Variants in DEPTOR observed in about 807,000 individuals in gnomAD.
DEPTOR encodes DEP domain containing MTOR interacting protein, also known as DEP domain-containing mTOR-interacting protein.
In DEPTOR, 41 loss-of-function variants were observed where a neutral mutation model predicts 41.6. That is an observed-to-expected ratio of 0.98 (90% CI 0.77 to 1.28). DEPTOR has a LOEUF of 1.28. DEPTOR is among the 50% of genes most tolerant of loss of function. DEPTOR has a pLI of 0.00. For synonymous variants in DEPTOR, 195 were observed against 192.3 expected, an observed-to-expected ratio of 1.01 and a Z score of -0.12; for missense variants, 514 against 527.9, an observed-to-expected ratio of 0.97 and a Z score of 0.26.
At position 119,906,147 on chromosome 8, in the gene DEPTOR, A is replaced by G. The variant is rs1252908427; in HGVS notation, c.123-22253A>G. 2.0e-5 allele frequency among the ~76,000 whole-genome samples: 3 copies of G among 152,074 alleles called. No individual in the cohort carries two copies. In the East Asian group the frequency reaches 5.8e-4, roughly 29 times the overall value. ...ATACTAATGCACTCTGTATATCATA[A>G]ATATACACACACACACAAATTTTGC... On this transcript the variant is annotated intron_variant, in intron 1 of 8. Coordinates refer to ENST00000286234, the MANE Select transcript of DEPTOR (RefSeq NM_022783.4).
intron 3 of DEPTOR, among the ~76,000 whole-genome samples, chr8:119,959,158 C>CTTTTTTTTTTTTTTTTTTT (rs60202859): frequency 1.7e-4 from 19 of 114,862 alleles, no homozygotes; most frequent in African/African-American, 3.1e-4. Context: ...TTCTTTCTTT[C>CTTTTTTTTTTTTTTTTTTT]TTTTTTTTTT....
chr8:120,005,275 C>T (rs1001081597), intron 6 of DEPTOR, among the ~76,000 whole-genome samples: 7 of 152,298 alleles, frequency 4.6e-5, no homozygotes, highest in Middle Eastern at 6.8e-3. Context: ...GATTCTGTTT[C>T]CATCTTGATA....
rs1282216202 is a variant in DEPTOR at position 120,050,797 on chromosome 8, C to T, written c.*1093C>T. On this transcript the variant is annotated 3_prime_UTR_variant, in exon 9 of 9. Transcript: ENST00000286234. ...GGGGCTCAGCGTGCAGAGGAAATTCCTCAAAGTGCCAAATTAGGCAGTCAG... is the reference window on the plus strand; with the variant it reads ...GGGGCTCAGCGTGCAGAGGAAATTCTTCAAAGTGCCAAATTAGGCAGTCAG... 4.6e-5 allele frequency: 7 copies of T among 151,998 alleles called. No homozygotes were observed. The highest frequency in any genetic ancestry group is 1.7e-4 in the African/African-American group (7 of 41,404). The allele number at this position is 151,998 out of a possible 1,614,324, so 9.4% of individuals were successfully genotyped here.
chr8:119,946,541 C>T (rs1384048052), intron 3 of DEPTOR, among the ~76,000 whole-genome samples: 1 of 151,434 alleles, frequency 6.6e-6, no homozygotes, highest in African/African-American at 2.4e-5. Context: ...AGGAGTTCAA[C>T]CTGACCAACA....
Position 119,928,564 on chromosome 8 carries a change from G to T in DEPTOR, c.287G>T (p.Gly96Val). The change falls in exon 2 of 9, where the codon GGC becomes GTC. Residue 96 changes from glycine to valine, a missense_variant. By Grantham distance (109) the Gly-to-Val change is moderately radical. Coordinates refer to ENST00000286234, the MANE Select transcript of DEPTOR (RefSeq NM_022783.4). The part of the protein sequence containing the change: ...IKLMQKLADR[G>V]IIHHVCDEHK... ...CTCATGCAGAAATTAGCAGACCGGG[G>T]CATTATTCACCATGGTGAGTGCGGT... 1.2e-6 allele frequency: 2 copies of T among 1,613,972 alleles called. No individual in the cohort carries two copies. The highest frequency in any genetic ancestry group is 1.1e-5 in the South Asian group (1 of 91,070).
chr8:120,038,741 G>C (rs1385675209), intron 8 of DEPTOR, among the ~76,000 whole-genome samples: 1 of 152,198 alleles, frequency 6.6e-6, no homozygotes, highest in African/African-American at 2.4e-5. Context: ...TGCTCAGGGG[G>C]CAGAGTAGCC....
intron 5 of DEPTOR, among the ~76,000 whole-genome samples, chr8:120,002,193 G>A (rs954360719): frequency 6.6e-6 from 1 of 152,150 alleles, no homozygotes; most frequent in African/African-American, 2.4e-5. Flanking sequence ...AGGCTAGAGT[G>A]CAGTGGTGCA....
At chr8:119,954,318 G>C (rs1828391061) in intron 3 of DEPTOR, among the ~76,000 whole-genome samples, 1 of 151,448 alleles carries the variant, frequency 6.6e-6, no homozygotes. Context: ...TAATCTTTTG[G>C]TATTTTTTGT....
At chr8:120,009,566 T>A (rs1812500372) in intron 8 of DEPTOR, among the ~76,000 whole-genome samples, 1 of 152,112 alleles carries the variant, frequency 6.6e-6, no homozygotes, top group Non-Finnish European at 1.5e-5. Context: ...TGAGCCAAGA[T>A]CGCACCACTG....
At chr8:119,912,204 G>A (rs1161778287) in intron 1 of DEPTOR, among the ~76,000 whole-genome samples, 1 of 152,166 alleles carries the variant, frequency 6.6e-6, no homozygotes, top group Non-Finnish European at 1.5e-5. Flanking sequence ...ATATAGGGAA[G>A]AGGCAGAAAG....
chr8:119,889,460 T>C (rs986116091), intron 1 of DEPTOR, among the ~76,000 whole-genome samples: 1 of 150,170 alleles, frequency 6.7e-6, no homozygotes, highest in African/African-American at 2.5e-5. Flanking sequence ...GGTGGGAGGA[T>C]CACTTAAGCC....
At position 119,873,761 on chromosome 8, in the gene DEPTOR, G is replaced by C; in HGVS notation, c.-86G>C. On this transcript the variant is annotated 5_prime_UTR_variant, in exon 1 of 9. Transcript: ENST00000286234. ...AGCTGCCCCGAACAAAGATGGCGCG[G>C]GAAGCGTCTGTGAGGGCAGACTGAT... 1 of 1,555,610 alleles carries C rather than the reference G, an allele frequency of 6.4e-7. No homozygotes were observed. Among genetic ancestry groups the C allele is most frequent in the Non-Finnish European group, 8.7e-7 (1 of 1,150,642 alleles).
rs1348731576 is a variant in DEPTOR, at chr8:119,965,300, T to G, written c.494T>G (p.Phe165Cys). ...EEEGVKYERT[F>C]MASEFLDWLV... ...GAAGGGGTCAAGTATGAGCGCACCT[T>G]CATGGCATCTGAATTCCTGGACTGG... is the stretch of plus-strand genomic sequence containing the variant. Residue 165 changes from phenylalanine to cysteine, a missense_variant, in exon 4 of 9, where the codon TTC becomes TGC. By Grantham distance (205) the Phe-to-Cys change is radical. Transcript: ENST00000286234. The G allele has an allele frequency of 6.2e-7, 1 of 1,614,122 alleles. No homozygotes were observed. The highest frequency in any genetic ancestry group is 2.2e-5 in the East Asian group (1 of 44,872).
intron 1 of DEPTOR, among the ~76,000 whole-genome samples, chr8:119,913,253 T>G (rs1827767530): frequency 6.6e-6 from 1 of 152,090 alleles, no homozygotes; most frequent in Non-Finnish European, 1.5e-5. Context: ...TTATTCAAGC[T>G]CAAAGTTTGA....
intron 3 of DEPTOR, among the ~76,000 whole-genome samples, chr8:119,955,306 T>C (rs1037894023): frequency 3.9e-5 from 6 of 152,226 alleles, no homozygotes; most frequent in African/African-American, 1.2e-4. Flanking sequence ...ATTTGTCTAT[T>C]TCTCTGTTAT....
intron 8 of DEPTOR, among the ~76,000 whole-genome samples, chr8:120,032,313 G>C (rs368427680): frequency 6.6e-4 from 99 of 149,722 alleles, no homozygotes; most frequent in African/African-American, 2.3e-3. Flanking sequence ...CCGCCTCCTA[G>C]GTTCAAGCAA....
chr8:119,899,318 C>T (rs547098700), intron 1 of DEPTOR, among the ~76,000 whole-genome samples: 2 of 152,138 alleles, frequency 1.3e-5, no homozygotes, highest in African/African-American at 4.8e-5. Flanking sequence ...AATTCTTGTT[C>T]TTTGTCTCAG....
chr8:119,900,048 C>T (rs1355747287), intron 1 of DEPTOR, among the ~76,000 whole-genome samples: 1 of 152,038 alleles, frequency 6.6e-6, no homozygotes, highest in East Asian at 1.9e-4. Context: ...CGGCTGGGCG[C>T]AGTGGCTCAC....
At chr8:119,882,309 G>T (rs1183057845) in intron 1 of DEPTOR, among the ~76,000 whole-genome samples, 1 of 151,884 alleles carries the variant, frequency 6.6e-6, no homozygotes, top group Admixed American at 6.6e-5. Context: ...GGTGAAGGAA[G>T]GTCATTCTTC....
Sources: gnomAD v4.1 joint callset for allele counts (sites outside exome capture counted in the v4.1 genomes callset) on GRCh38, gnomAD v4.1.1 for gene constraint, MANE v1.5 for transcripts, NCBI Gene and HGNC (gene_info 2026-07-23, HGNC 2026-07-21) for gene names.